Variants in PARD3 observed in about 807,000 individuals in gnomAD.
The protein encoded by PARD3 is par-3 family cell polarity regulator, also known as partitioning defective 3 homolog.
Under a neutral mutation model 155.4 loss-of-function variants are expected in PARD3, and 75 were observed. That is an observed-to-expected ratio of 0.48 (90% CI 0.40 to 0.58). The LOEUF (loss-of-function observed/expected upper bound fraction) is 0.58. PARD3 is among the 20% of genes least tolerant of loss of function. The pLI is 0.00. For synonymous variants in PARD3, 576 were observed against 610.5 expected (o/e 0.94, Z 0.83); for missense variants, 1,642 against 1,721.7 (o/e 0.95, Z 0.82).
chr10:34,126,342 T>G (rs1442718620), intron 23 of PARD3, among the ~76,000 whole-genome samples: 1 of 152,170 alleles, frequency 6.6e-6, no homozygotes, highest in Non-Finnish European at 1.5e-5. Flanking sequence ...AAGGGCTACT[T>G]GGATGAATTT....
rs147385246 is a variant in PARD3, at chr10:34,507,404, T to G, written c.403+9575A>C. On this transcript the variant is annotated intron_variant, in intron 3 of 24. Coordinates refer to ENST00000374788, the MANE Select transcript of PARD3 (RefSeq NM_001184785.2). The stretch of plus-strand genomic sequence containing the variant: ...CTTTGTTACAGGTCAGAAAAAAGAG[T>G]ACTCCAATTTATAAATAAACAATAG... 2.2e-3 allele frequency among the ~76,000 whole-genome samples: 331 copies of G among 150,996 alleles called. 7 individuals carry two copies. The highest frequency in any genetic ancestry group is 0.02 in the Admixed American group (309 of 15,148).
chr10:34,246,527 A>G (rs1953960140), intron 22 of PARD3, among the ~76,000 whole-genome samples: 1 of 152,152 alleles, frequency 6.6e-6, no homozygotes, highest in Admixed American at 6.5e-5. Flanking sequence ...TAAGGTGGTC[A>G]GCATCTTTAG....
At chr10:34,811,298 C>T (rs1844138800) in intron 1 of PARD3, among the ~76,000 whole-genome samples, 1 of 152,190 alleles carries the variant, frequency 6.6e-6, no homozygotes, top group South Asian at 2.1e-4. Context: ...TCCTGACCCC[C>T]TGGGCTGAAT....
At chr10:34,496,602 C>G (rs2133377964) in intron 3 of PARD3, among the ~76,000 whole-genome samples, 1 of 152,226 alleles carries the variant, frequency 6.6e-6, no homozygotes, top group Admixed American at 6.5e-5. Context: ...TGGTAGATAC[C>G]ACAGGGATGG....
chr10:34,308,104 G>A (rs1197249888), intron 20 of PARD3, among the ~76,000 whole-genome samples: 3 of 150,238 alleles, frequency 2.0e-5, no homozygotes, highest in Admixed American at 6.6e-5. Context: ...TAGTGGACCC[G>A]GTAGGTTCAG....
chr10:34,477,277 A>T (rs985723615), intron 3 of PARD3, among the ~76,000 whole-genome samples: 3 of 152,192 alleles, frequency 2.0e-5, no homozygotes, highest in Non-Finnish European at 4.4e-5. Flanking sequence ...TAATCCCATA[A>T]TCTTCTGATT....
intron 13 of PARD3, 80 bp downstream of exon 13, chr10:34,359,991 G>T: frequency 9.4e-7 from 1 of 1,058,776 alleles, no homozygotes. Flanking sequence ...TCTGTTAACT[G>T]TATATGTTTC....
chr10:34,566,757 G>GT (rs1161362344), intron 2 of PARD3, among the ~76,000 whole-genome samples: 6 of 151,954 alleles, frequency 3.9e-5, no homozygotes, highest in East Asian at 1.9e-4. Context: ...ATTAACCAAA[G>GT]TTTTTTTTAC....
intron 5 of PARD3, among the ~76,000 whole-genome samples, chr10:34,408,947 TTATAA>T (rs2078666256): frequency 6.6e-6 from 1 of 152,120 alleles, no homozygotes; most frequent in Admixed American, 6.6e-5. Flanking sequence ...GTCCAGTTCC[TTATAA>T]TATAAACTAT....
chr10:34,254,344 A>C (rs1352565679), intron 22 of PARD3, among the ~76,000 whole-genome samples: 1 of 152,046 alleles, frequency 6.6e-6, no homozygotes. Context: ...GCACCACTGC[A>C]CTCCAGCCTG....
chr10:34,285,366 A>C (rs1956335332), intron 20 of PARD3, among the ~76,000 whole-genome samples: 1 of 152,024 alleles, frequency 6.6e-6, no homozygotes, highest in South Asian at 2.1e-4. Context: ...GCTTGAGCTC[A>C]GGAGTTCAAG....
At chr10:34,300,841 C>G (rs968688521) in intron 20 of PARD3, among the ~76,000 whole-genome samples, 4 of 152,158 alleles carry the variant, frequency 2.6e-5, no homozygotes, top group African/African-American at 7.2e-5. Context: ...TCCCAACATA[C>G]AAGAGAAAGG....
intron 1 of PARD3, among the ~76,000 whole-genome samples, chr10:34,697,744 CAG>C (rs2133496319): frequency 6.8e-6 from 1 of 146,962 alleles, no homozygotes; most frequent in African/African-American, 2.5e-5. Context: ...ATCTAGAACA[CAG>C]AGAGTAAGTT....
intron 2 of PARD3, among the ~76,000 whole-genome samples, chr10:34,605,259 C>T (rs2090147814): frequency 7.7e-6 from 1 of 130,582 alleles, no homozygotes; most frequent in Non-Finnish European, 1.5e-5. Flanking sequence ...GTGGTGCAAT[C>T]TCAGCTCACT....
At chr10:34,674,865 A>C (rs1418302016) in intron 2 of PARD3, among the ~76,000 whole-genome samples, 5 of 152,208 alleles carry the variant, frequency 3.3e-5, no homozygotes, top group Non-Finnish European at 7.3e-5. Flanking sequence ...CCTGCCCTGC[A>C]TCAATTTAAC....
chr10:34,434,681 G>C (rs1015667477), intron 5 of PARD3, among the ~76,000 whole-genome samples: 3 of 152,152 alleles, frequency 2.0e-5, no homozygotes, highest in Non-Finnish European at 2.9e-5. Context: ...TGACAGCTTG[G>C]ACTTTGGAAG....
chr10:34,633,525 T>C (rs1022960584), intron 2 of PARD3, among the ~76,000 whole-genome samples: 1 of 152,240 alleles, frequency 6.6e-6, no homozygotes, highest in Non-Finnish European at 1.5e-5. Context: ...ACAGAAGTTC[T>C]TCCTGTTTTA....
At chr10:34,752,031 G>C (rs1199221993) in intron 1 of PARD3, among the ~76,000 whole-genome samples, 1 of 152,054 alleles carries the variant, frequency 6.6e-6, no homozygotes, top group East Asian at 1.9e-4. Context: ...AAAGTTGGTT[G>C]TACATCTAAG....
At chr10:34,761,136 C>T (rs1243982172) in intron 1 of PARD3, among the ~76,000 whole-genome samples, 1 of 152,136 alleles carries the variant, frequency 6.6e-6, no homozygotes, top group Non-Finnish European at 1.5e-5. Context: ...AGGGGTCAGG[C>T]ACAGTGGCTC....
Sources: allele counts gnomAD v4.1 joint callset (sites outside exome capture counted in the v4.1 genomes callset), GRCh38; gene constraint gnomAD v4.1.1; transcripts MANE v1.5; gene names NCBI Gene and HGNC (gene_info 2026-07-23, HGNC 2026-07-21).